The following CCDC33 variants were observed in gnomAD, a reference collection of about 807,000 sequenced individuals.
The protein encoded by CCDC33 is coiled-coil domain-containing protein 33.
CCDC33 carries 94 observed loss-of-function variants against 91.9 expected under a neutral mutation model. The ratio of observed to expected loss-of-function variants is 1.02; its 90% CI spans 0.87 to 1.21. CCDC33 has a LOEUF of 1.21. Ranked by LOEUF, CCDC33 falls within the 50% of genes most tolerant of loss-of-function variation. CCDC33 has a pLI of 0.00. For missense variants in CCDC33, 940 were observed against 935.5 expected (o/e 1.00, Z -0.06); for synonymous variants, 396 against 374.5 (o/e 1.06, Z -0.66).
intron 2 of CCDC33, among the ~76,000 whole-genome samples, chr15:74,259,703 C>T (rs759003179): frequency 2.6e-5 from 4 of 152,212 alleles, no homozygotes; most frequent in Non-Finnish European, 4.4e-5. Flanking sequence ...CACCTCTTTG[C>T]ACCTGGGAAT....
At chr15:74,253,840 T>C (rs1289519528) in intron 2 of CCDC33, among the ~76,000 whole-genome samples, 1 of 152,140 alleles carries the variant, frequency 6.6e-6, no homozygotes, top group East Asian at 1.9e-4. Flanking sequence ...AATGAGGGCA[T>C]GGGTTGTCAA....
intron 15 of CCDC33, 69 bp from the exon 16 acceptor site, chr15:74,332,610 A>C: frequency 1.3e-6 from 2 of 1,544,560 alleles, no homozygotes; most frequent in South Asian, 2.4e-5. Context: ...AAAATGCTGG[A>C]GCAGATCAGG....
chr15:74,208,570 ATGTCTCCTGCCTTTT>A (rs1476471222), intron 1 of CCDC33, among the ~76,000 whole-genome samples: 1 of 152,036 alleles, frequency 6.6e-6, no homozygotes, highest in Non-Finnish European at 1.5e-5. Context: ...GACTCTGCGA[ATGTCTCCTGCCTTTT>A]GGAGCTCCTG....
intron 2 of CCDC33, among the ~76,000 whole-genome samples, chr15:74,247,294 A>G (rs1452012857): frequency 1.3e-5 from 2 of 152,078 alleles, no homozygotes; most frequent in African/African-American, 4.8e-5. Flanking sequence ...ATTATTCACA[A>G]TAGCCAAGAT....
chr15:74,326,253 A>G (rs1335483728), intron 11 of CCDC33, among the ~76,000 whole-genome samples: 1 of 152,248 alleles, frequency 6.6e-6, no homozygotes, highest in Non-Finnish European at 1.5e-5. Context: ...TGAGCCCAGA[A>G]GTTCGAGGTT....
At chr15:74,306,751 C>T (rs1438676446) in intron 11 of CCDC33, among the ~76,000 whole-genome samples, 1 of 152,144 alleles carries the variant, frequency 6.6e-6, no homozygotes, top group African/African-American at 2.4e-5. Context: ...CAAGTCAGGG[C>T]CTGCCCTAAG....
rs1212852211 is a variant in CCDC33 at position 74,316,300 on chromosome 15, C to G, written c.1291-13889C>G. On this transcript the variant is annotated intron_variant, in intron 11 of 18. Coordinates refer to ENST00000398814, the MANE Select transcript of CCDC33 (RefSeq NM_025055.5). This position sits in a 1 kb window ranked among gnomAD's most constrained non-coding sequence, Gnocchi z 4.7. ...GTCCGCTGGGGCGCCCCTCCAGCCT[C>G]CCGCCAGAGCAGGGCTGGAAGACTG... 3.3e-5 allele frequency among the ~76,000 whole-genome samples: 5 copies of G among 152,228 alleles called. No homozygotes were observed. The East Asian group carries it at 7.7e-4, about 23-fold the overall frequency.
At chr15:74,204,678 A>G (rs2074218013) in intron 1 of CCDC33, among the ~76,000 whole-genome samples, 1 of 152,190 alleles carries the variant, frequency 6.6e-6, no homozygotes, top group Non-Finnish European at 1.5e-5. Context: ...TACACTTGTA[A>G]TCCTAGCACT....
Position 74,271,690 on chromosome 15 carries a change from C to T in CCDC33, c.547-13C>T, listed in dbSNP as rs780441966. The T allele has an allele frequency of 7.7e-5, 124 of 1,608,562 alleles. No homozygotes were observed. The highest frequency in any genetic ancestry group is 1.3e-5 in the Non-Finnish European group (15 of 1,175,288). On this transcript the variant is annotated splice_polypyrimidine_tract_variant and intron_variant, in intron 5 of 18. Transcript: ENST00000398814. ...ACATGGTGTTCACCTGCCTCCTCTC[C>T]TCTCCTCTCCAGATCTTTCTCCGGG... is the stretch of plus-strand genomic sequence containing the variant.
intron 10 of CCDC33, among the ~76,000 whole-genome samples, chr15:74,283,468 G>A (rs905076784): frequency 5.3e-5 from 8 of 152,342 alleles, no homozygotes; most frequent in East Asian, 3.9e-4. Flanking sequence ...TTGCCCAGGG[G>A]CTGGGCACAA....
At chr15:74,237,469 C>A (rs2075200812) in intron 1 of CCDC33, among the ~76,000 whole-genome samples, 1 of 152,246 alleles carries the variant, frequency 6.6e-6, no homozygotes, top group Admixed American at 6.5e-5. Flanking sequence ...CACACAGATA[C>A]TTGCAAATGG....
At chr15:74,268,062 T>G (rs756437259) in intron 4 of CCDC33, among the ~76,000 whole-genome samples, 78 of 152,196 alleles carry the variant, frequency 5.1e-4, no homozygotes, top group Non-Finnish European at 6.6e-4. Context: ...CCCCTGGCTG[T>G]CTGTTCACTT....
rs2075162035 is a variant in CCDC33 at position 74,236,517 on chromosome 15, C to T, written c.-203C>T. On this transcript the variant is annotated 5_prime_UTR_variant, in exon 1 of 19. Transcript: ENST00000398814. ...GGACCTGCTCCCACCTGGCCACCCT[C>T]CCCCTCCCCCCACATCCAGGCCCCA... 2.8e-6 allele frequency: 1 copy of T among 358,506 alleles called. No homozygotes were observed. The highest frequency in any genetic ancestry group is 5.2e-6 in the Non-Finnish European group (1 of 190,830). The allele number at this position is 358,506 out of a possible 1,614,324, so 22.2% of individuals were successfully genotyped here.
chr15:74,269,320 C>G (rs1037095459), intron 5 of CCDC33, among the ~76,000 whole-genome samples: 5 of 151,518 alleles, frequency 3.3e-5, no homozygotes, highest in African/African-American at 1.2e-4. Flanking sequence ...CCCCCTACTT[C>G]CCACCAGCAC....
At chr15:74,203,168 G>T in intron 1 of CCDC33, 2 of 985,500 alleles carry the variant, frequency 2.0e-6, no homozygotes, top group Non-Finnish European at 2.4e-6. Flanking sequence ...TCTTCTCCTA[G>T]GGTTTCCATG....
intron 5 of CCDC33, among the ~76,000 whole-genome samples, chr15:74,270,973 C>G (rs2076299562): frequency 1.3e-5 from 2 of 152,230 alleles, no homozygotes; most frequent in East Asian, 1.9e-4. Context: ...AGGGAACAAC[C>G]AAGGGCGGTC....
At chr15:74,242,014 G>A (rs762762166) in intron 1 of CCDC33, among the ~76,000 whole-genome samples, 2 of 152,214 alleles carry the variant, frequency 1.3e-5, no homozygotes, top group Non-Finnish European at 2.9e-5. Flanking sequence ...GCTGTTGAGG[G>A]GGTGTGTGGC....
chr15:74,208,685 C>G, intron 1 of CCDC33: 1 of 985,732 alleles, frequency 1.0e-6, no homozygotes, highest in Non-Finnish European at 1.2e-6. Context: ...CTGCTCACTT[C>G]CTGCCCCTAG....
chr15:74,227,460 C>T (rs1472594439), intron 2 of CCDC33, among the ~76,000 whole-genome samples: 2 of 152,142 alleles, frequency 1.3e-5, no homozygotes, highest in Admixed American at 6.5e-5. Flanking sequence ...CAAATCACAC[C>T]GAGTCCTGCC....
Sources: allele counts gnomAD v4.1 joint callset (sites outside exome capture counted in the v4.1 genomes callset), GRCh38; gene constraint gnomAD v4.1.1; non-coding constraint Gnocchi (gnomAD v3.1); transcripts MANE v1.5; gene names NCBI Gene and HGNC (gene_info 2026-07-23, HGNC 2026-07-21).